RFX3: variants seen among roughly 807,000 people sequenced by gnomAD.
RFX3 encodes transcription factor RFX3.
RFX3 carries 14 observed loss-of-function variants against 98.6 expected under a neutral mutation model. That is an observed-to-expected ratio of 0.14 (90% CI 0.09 to 0.22). The LOEUF (loss-of-function observed/expected upper bound fraction) is 0.22. Ranked by LOEUF, RFX3 falls within the 10% of genes least tolerant of loss-of-function variation. The probability of loss-of-function intolerance (pLI) is 1.00; values close to 1 mark genes in which losing one functional copy is unlikely to be tolerated. For synonymous variants in RFX3, 383 were observed against 328.4 expected, an observed-to-expected ratio of 1.17 and a Z score of -1.80; for missense variants, 639 against 926.9, an observed-to-expected ratio of 0.69 and a Z score of 4.03.
At chr9:3,366,065 G>T (rs111926629) in intron 2 of RFX3, among the ~76,000 whole-genome samples, 1 of 151,914 alleles carries the variant, frequency 6.6e-6, no homozygotes, top group African/African-American at 2.4e-5. Context: ...TTTTAGTTGT[G>T]TCACTGTGAT....
At chr9:3,344,668 T>C in intron 3 of RFX3, 1 of 583,304 alleles carries the variant, frequency 1.7e-6, no homozygotes, top group East Asian at 2.9e-5. Flanking sequence ...CATTCTCACA[T>C]TCCCCTGCAG....
intron 1 of RFX3, among the ~76,000 whole-genome samples, chr9:3,436,266 T>C (rs1035690741): frequency 6.6e-6 from 1 of 152,020 alleles, no homozygotes; most frequent in East Asian, 1.9e-4. Context: ...CATTTTCAGA[T>C]AGGCTGAAAT....
chr9:3,335,145 T>C (rs1833022571), intron 3 of RFX3, among the ~76,000 whole-genome samples: 1 of 151,468 alleles, frequency 6.6e-6, no homozygotes, highest in South Asian at 2.1e-4. Flanking sequence ...AAAATAATAA[T>C]AATAATATTC....
At chr9:3,504,944 AATATAATATATATTAT>A (rs1816739392) in intron 1 of RFX3, among the ~76,000 whole-genome samples, 1 of 59,328 alleles carries the variant, frequency 1.7e-5, no homozygotes, top group South Asian at 5.4e-4. Context: ...TAATATATAT[AATATAATATATATTAT>A]ATATAATATA....
intron 12 of RFX3, among the ~76,000 whole-genome samples, chr9:3,264,554 G>T (rs1823367667): frequency 6.6e-6 from 1 of 152,074 alleles, no homozygotes; most frequent in African/African-American, 2.4e-5. Flanking sequence ...CCAGGCTCTG[G>T]GTTAAGTGCC....
At chr9:3,371,015 T>C (rs1292366600) in intron 2 of RFX3, among the ~76,000 whole-genome samples, 1 of 152,126 alleles carries the variant, frequency 6.6e-6, no homozygotes, top group Non-Finnish European at 1.5e-5. Context: ...TGAATCCTTT[T>C]TTAAAAAAAG....
At chr9:3,493,700 A>AATATAT (rs1288255611) in intron 1 of RFX3, among the ~76,000 whole-genome samples, 8 of 71,776 alleles carry the variant, frequency 1.1e-4, no homozygotes, top group South Asian at 4.5e-4. Flanking sequence ...AAAAAAAAAA[A>AATATAT]ATATATATAT....
intron 1 of RFX3, among the ~76,000 whole-genome samples, chr9:3,414,977 C>T (rs1190501832): frequency 7.6e-6 from 1 of 131,182 alleles, no homozygotes; most frequent in Non-Finnish European, 1.5e-5. Flanking sequence ...CATATATACA[C>T]TTATATATAC....
At chr9:3,392,134 T>C (rs1387664885) in intron 2 of RFX3, among the ~76,000 whole-genome samples, 1 of 152,170 alleles carries the variant, frequency 6.6e-6, no homozygotes, top group East Asian at 1.9e-4. Flanking sequence ...GATGACCCCA[T>C]TTTGAAGTCA....
At position 3,492,475 on chromosome 9, in the gene RFX3, C is replaced by T. The variant is rs6476464; in HGVS notation, c.-9+33272G>A. ...CTGCACAGCCCAGGGCCATGCTCCC[C>T]GAGTCCTTCAGACTCTACTTCAGCA... On this transcript the variant is annotated intron_variant, in intron 1 of 16. Coordinates refer to ENST00000617270, the MANE Select transcript of RFX3 (RefSeq NM_001282116.2). Among the ~76,000 whole-genome samples, 799 of 152,302 alleles carry T rather than the reference C, an allele frequency of 5.2e-3. 9 individuals are homozygous for T. The highest frequency in any genetic ancestry group is 0.018 in the African/African-American group (760 of 41,566).
chr9:3,505,183 T>G (rs1212086381), intron 1 of RFX3, among the ~76,000 whole-genome samples: 1 of 97,832 alleles, frequency 1.0e-5, no homozygotes, highest in African/African-American at 4.3e-5. Flanking sequence ...CATATAAATA[T>G]ATATATGAAT....
At chr9:3,521,058 T>C (rs1818660173) in intron 1 of RFX3, among the ~76,000 whole-genome samples, 1 of 152,178 alleles carries the variant, frequency 6.6e-6, no homozygotes, top group African/African-American at 2.4e-5. Flanking sequence ...TTCCAGTGGT[T>C]TTTTTAAAGA....
At chr9:3,504,852 TATATG>T (rs1221164699) in intron 1 of RFX3, among the ~76,000 whole-genome samples, 14 of 30,526 alleles carry the variant, frequency 4.6e-4, no homozygotes, top group Non-Finnish European at 7.0e-4. Context: ...ATATATATTA[TATATG>T]ATATAATATA....
chr9:3,380,998 G>C (rs1839133825), intron 2 of RFX3, among the ~76,000 whole-genome samples: 2 of 151,906 alleles, frequency 1.3e-5, no homozygotes, highest in South Asian at 4.2e-4. Flanking sequence ...ATCTAATCTA[G>C]ATATCTTTAA....
intron 1 of RFX3, among the ~76,000 whole-genome samples, chr9:3,468,276 C>T (rs776967228): frequency 3.3e-5 from 5 of 152,104 alleles, no homozygotes; most frequent in Non-Finnish European, 7.4e-5. Context: ...TCTTAAATAA[C>T]AAATACTAAC....
intron 4 of RFX3, among the ~76,000 whole-genome samples, chr9:3,326,160 A>G (rs954392617): frequency 1.3e-5 from 2 of 152,096 alleles, no homozygotes; most frequent in African/African-American, 4.8e-5. Flanking sequence ...AAAAGCATAG[A>G]TGTATATATC....
intron 15 of RFX3, among the ~76,000 whole-genome samples, chr9:3,234,864 G>A (rs1182988818): frequency 2.0e-5 from 3 of 152,144 alleles, no homozygotes; most frequent in African/African-American, 7.2e-5. Context: ...TAAGGACTTG[G>A]GTCACAGGAA....
At chr9:3,328,146 G>C (rs1374514056) in intron 4 of RFX3, among the ~76,000 whole-genome samples, 1 of 152,098 alleles carries the variant, frequency 6.6e-6, no homozygotes, top group Admixed American at 6.6e-5. Flanking sequence ...TGGATGAAAT[G>C]AAAGTGGGAA....
At chr9:3,386,489 T>C (rs1839728336) in intron 2 of RFX3, among the ~76,000 whole-genome samples, 1 of 152,182 alleles carries the variant, frequency 6.6e-6, no homozygotes, top group Non-Finnish European at 1.5e-5. Context: ...AGCCAATAAG[T>C]TGCCCAGTCA....
Sources: gnomAD v4.1 joint callset for allele counts (sites outside exome capture counted in the v4.1 genomes callset) on GRCh38, gnomAD v4.1.1 for gene constraint, MANE v1.5 for transcripts, NCBI Gene and HGNC (gene_info 2026-07-23, HGNC 2026-07-21) for gene names.